CNTNAP2: variants seen among roughly 807,000 people sequenced by gnomAD.
CNTNAP2 encodes the protein contactin associated protein 2.
Under a neutral mutation model 155.2 loss-of-function variants are expected in CNTNAP2, and 98 were observed. That is an observed-to-expected ratio of 0.63 (90% CI 0.54 to 0.75). The LOEUF is 0.75. Ranked by LOEUF, CNTNAP2 falls within the 30% of genes least tolerant of loss-of-function variation. The pLI is 0.00. For missense variants in CNTNAP2, 1,727 were observed against 1,688.1 expected, an observed-to-expected ratio of 1.02 and a Z score of -0.40; for synonymous variants, 651 against 631.2, an observed-to-expected ratio of 1.03 and a Z score of -0.47.
intron 15 of CNTNAP2, among the ~76,000 whole-genome samples, chr7:147,978,956 G>T (rs1438860098): frequency 6.6e-6 from 1 of 152,062 alleles, no homozygotes; most frequent in Non-Finnish European, 1.5e-5. Flanking sequence ...GCCTGGATTT[G>T]GATTCCTCCT....
chr7:146,887,369 G>A (rs1353874032), intron 3 of CNTNAP2, among the ~76,000 whole-genome samples: 3 of 151,836 alleles, frequency 2.0e-5, no homozygotes, highest in African/African-American at 7.3e-5. Flanking sequence ...ATAGAGACAG[G>A]TTTCTCCATG....
chr7:147,482,439 G>A (rs1456355387), intron 10 of CNTNAP2, among the ~76,000 whole-genome samples: 1 of 152,006 alleles, frequency 6.6e-6, no homozygotes, highest in African/African-American at 2.4e-5. Context: ...TAAGAATCAG[G>A]CCCGTGTGGT....
At chr7:148,074,347 G>T (rs1423585637) in intron 15 of CNTNAP2, among the ~76,000 whole-genome samples, 2 of 152,142 alleles carry the variant, frequency 1.3e-5, no homozygotes, top group African/African-American at 4.8e-5. Context: ...CATTTGACCA[G>T]ACCACTTGAA....
At chr7:147,264,312 A>T (rs13235899) in intron 8 of CNTNAP2, among the ~76,000 whole-genome samples, 1 of 152,032 alleles carries the variant, frequency 6.6e-6, no homozygotes, top group Non-Finnish European at 1.5e-5. Flanking sequence ...TTACAGTTAG[A>T]TATTTATTTA....
intron 2 of CNTNAP2, among the ~76,000 whole-genome samples, chr7:146,812,838 C>T (rs755495682): frequency 4.5e-4 from 68 of 152,304 alleles, no homozygotes; most frequent in Non-Finnish European, 7.9e-4. Flanking sequence ...ACCCAGGGTC[C>T]CCCTGCTCTG....
chr7:146,624,842 T>G (rs772250363), intron 1 of CNTNAP2, among the ~76,000 whole-genome samples: 3 of 151,980 alleles, frequency 2.0e-5, no homozygotes, highest in Non-Finnish European at 2.9e-5. Flanking sequence ...TATTGAGTCT[T>G]CCAAGTCATA....
chr7:147,275,202 A>G (rs980752138), intron 8 of CNTNAP2, among the ~76,000 whole-genome samples: 1 of 152,080 alleles, frequency 6.6e-6, no homozygotes, highest in Non-Finnish European at 1.5e-5. Flanking sequence ...GAAAAATGAC[A>G]TTAGCAATTT....
At position 146,246,539 on chromosome 7, in the gene CNTNAP2, G is replaced by A. The variant is rs1228859186; in HGVS notation, c.97+129566G>A. ...AGGTAATGTGGAGTGGGTAGCCTCA[G>A]TATTGATTAAGAAGGGGACAGACTT... On this transcript the variant is annotated intron_variant, in intron 1 of 23. Coordinates refer to ENST00000361727, the MANE Select transcript of CNTNAP2 (RefSeq NM_014141.6). 4.6e-5 allele frequency among the ~76,000 whole-genome samples: 7 copies of A among 150,722 alleles called. No individual in the cohort carries two copies. In the South Asian group the frequency reaches 8.4e-4, roughly 18 times the overall value.
rs180952533 is a variant in CNTNAP2 at position 146,145,012 on chromosome 7, T to G, written c.97+28039T>G. On this transcript the variant is annotated intron_variant, in intron 1 of 23. Coordinates refer to ENST00000361727, the MANE Select transcript of CNTNAP2 (RefSeq NM_014141.6). The stretch of plus-strand genomic sequence containing the variant: ...GGAGAGATGTAACTCAGTTGATGGA[T>G]TTGATGAATTTTGTCCAAACGTTGG... Among the ~76,000 whole-genome samples the G allele has an allele frequency of 3.4e-4, 51 of 152,158 alleles. 1 individual carries two copies. Among genetic ancestry groups the G allele is most frequent in the Admixed American group, 3.1e-3 (48 of 15,272 alleles).
chr7:148,009,961 A>G (rs1802047551), intron 15 of CNTNAP2, among the ~76,000 whole-genome samples: 1 of 152,072 alleles, frequency 6.6e-6, no homozygotes. Context: ...TAAGGTAACT[A>G]TATCTAGGTG....
intron 11 of CNTNAP2, among the ~76,000 whole-genome samples, chr7:147,530,626 C>T (rs1016697848): frequency 6.6e-6 from 1 of 152,118 alleles, no homozygotes; most frequent in African/African-American, 2.4e-5. Flanking sequence ...CAGTTACCTC[C>T]CCCTCAGTCC....
intron 3 of CNTNAP2, among the ~76,000 whole-genome samples, chr7:146,914,411 A>G (rs1411190155): frequency 1.3e-5 from 2 of 152,184 alleles, no homozygotes; most frequent in African/African-American, 4.8e-5. Context: ...CCTTCCCACC[A>G]GCTGTGTAAA....
chr7:148,078,420 A>G (rs1563191723), intron 15 of CNTNAP2, among the ~76,000 whole-genome samples: 1 of 152,278 alleles, frequency 6.6e-6, no homozygotes, highest in South Asian at 2.1e-4. Flanking sequence ...TATTTCATCC[A>G]ATCTAAAATA....
intron 18 of CNTNAP2, among the ~76,000 whole-genome samples, chr7:148,196,748 C>A (rs1313881678): frequency 6.6e-6 from 1 of 152,188 alleles, no homozygotes; most frequent in East Asian, 1.9e-4. Context: ...CACCTGTGCC[C>A]TTAACCACTG....
chr7:146,583,380 C>G (rs1414509330), intron 1 of CNTNAP2, among the ~76,000 whole-genome samples: 3 of 152,076 alleles, frequency 2.0e-5, no homozygotes, highest in African/African-American at 4.8e-5. Context: ...AATCAGTTTT[C>G]AAACCCCAGT....
intron 15 of CNTNAP2, among the ~76,000 whole-genome samples, chr7:147,979,544 C>T (rs1801486505): frequency 6.6e-6 from 1 of 152,148 alleles, no homozygotes; most frequent in African/African-American, 2.4e-5. Context: ...AGAAAGTGTT[C>T]CCATTAAATA....
chr7:146,505,432 G>T (rs1797368416), intron 1 of CNTNAP2, among the ~76,000 whole-genome samples: 1 of 152,180 alleles, frequency 6.6e-6, no homozygotes, highest in Non-Finnish European at 1.5e-5. Flanking sequence ...TTCTGCCCTG[G>T]GTGATGGTAC....
At chr7:147,892,017 G>T (rs897979949) in intron 13 of CNTNAP2, among the ~76,000 whole-genome samples, 1 of 151,968 alleles carries the variant, frequency 6.6e-6, no homozygotes, top group Non-Finnish European at 1.5e-5. Context: ...ATCTCTGAAC[G>T]CTAAAAGGAG....
chr7:146,548,111 T>G (rs1210272432), intron 1 of CNTNAP2, among the ~76,000 whole-genome samples: 1 of 151,916 alleles, frequency 6.6e-6, no homozygotes, highest in African/African-American at 2.4e-5. Flanking sequence ...CTCTCCCTCC[T>G]CCCACCCTCC....
Sources: allele counts gnomAD v4.1 joint callset (sites outside exome capture counted in the v4.1 genomes callset), GRCh38; gene constraint gnomAD v4.1.1; transcripts MANE v1.5; gene names NCBI Gene and HGNC (gene_info 2026-07-23, HGNC 2026-07-21).